The following PALLD variants were observed in gnomAD, a reference collection of about 807,000 sequenced individuals.
PALLD encodes palladin, cytoskeletal associated protein.
A neutral mutation model predicts 123.5 loss-of-function variants in PALLD; 61 were observed. The observed-to-expected ratio is 0.49, with a 90% CI of 0.40 to 0.61. The LOEUF is 0.61. Ranked by LOEUF, PALLD falls within the 20% of genes least tolerant of loss-of-function variation. The probability of loss-of-function intolerance (pLI) is 0.00; values close to 1 mark genes in which losing one functional copy is unlikely to be tolerated. For missense variants in PALLD, 1,273 were observed against 1,377.0 expected, an observed-to-expected ratio of 0.92 and a Z score of 1.20; for synonymous variants, 465 against 496.4, an observed-to-expected ratio of 0.94 and a Z score of 0.84.
At chr4:168,497,340 C>G (rs1190182619) in intron 1 of PALLD, 146 bp downstream of exon 1, 1 of 151,728 alleles carries the variant, frequency 6.6e-6, no homozygotes, top group Non-Finnish European at 1.5e-5. Flanking sequence ...GGAGAGGAAA[C>G]GTAATGAGAA....
At chr4:168,748,915 A>G (rs984326209) in intron 10 of PALLD, among the ~76,000 whole-genome samples, 5 of 152,200 alleles carry the variant, frequency 3.3e-5, no homozygotes, top group African/African-American at 1.2e-4. Context: ...AGATGGTGTC[A>G]TATATGTCAT....
chr4:168,669,296 T>C (rs371423449), intron 3 of PALLD, among the ~76,000 whole-genome samples: 1 of 152,198 alleles, frequency 6.6e-6, no homozygotes, highest in Non-Finnish European at 1.5e-5. Context: ...CCAGGTGAGG[T>C]AGCTCATGCC....
intron 2 of PALLD, among the ~76,000 whole-genome samples, chr4:168,516,101 T>C (rs1391593950): frequency 6.6e-6 from 1 of 152,204 alleles, no homozygotes; most frequent in Non-Finnish European, 1.5e-5. Context: ...TCCTTTATTA[T>C]TGCATATCCA....
rs730882137 is a variant in PALLD at position 168,878,150 on chromosome 4, TCGCCCC to T, written c.1965-12761_1965-12756del. The T allele has an allele frequency of 7.0e-5, 104 of 1,486,674 alleles. No homozygotes were observed. The highest frequency in any genetic ancestry group is 7.4e-5 in the Non-Finnish European group (83 of 1,125,666). 92.1% of individuals were successfully genotyped at this position (1,486,674 alleles called of 1,614,324 possible). On this transcript the variant is annotated intron_variant, in intron 10 of 21. Transcript: ENST00000505667. ...GGCCCCGTGGGGCTCCTCCTCGCCG[TCGCCCC>T]CGCCCCCGCCACCCCCGGTCTTCAG...
chr4:168,773,684 A>G (rs1161925041), intron 10 of PALLD, among the ~76,000 whole-genome samples: 1 of 152,146 alleles, frequency 6.6e-6, no homozygotes, highest in African/African-American at 2.4e-5. Flanking sequence ...TTCATCTAGG[A>G]TATGCCAAGA....
At chr4:168,669,329 C>A (rs1168861814) in intron 3 of PALLD, among the ~76,000 whole-genome samples, 1 of 152,086 alleles carries the variant, frequency 6.6e-6, no homozygotes, top group Admixed American at 6.6e-5. Context: ...ACTTTGGGAG[C>A]CCGAGGCAGG....
At chr4:168,712,084 C>T (rs1784887838) in intron 10 of PALLD, 161 bp downstream of exon 10, 1 of 658,112 alleles carries the variant, frequency 1.5e-6, no homozygotes, top group Non-Finnish European at 2.7e-6. Context: ...TAAAAGACAC[C>T]TAAAAATAAA....
At chr4:168,676,012 A>T (rs1780794892) in intron 3 of PALLD, among the ~76,000 whole-genome samples, 1 of 152,188 alleles carries the variant, frequency 6.6e-6, no homozygotes, top group South Asian at 2.1e-4. Flanking sequence ...CTGGGATGGC[A>T]CCACCGCACT....
At chr4:168,499,827 A>C (rs1761209780) in intron 1 of PALLD, among the ~76,000 whole-genome samples, 1 of 152,220 alleles carries the variant, frequency 6.6e-6, no homozygotes. Context: ...ACATGGTATT[A>C]AGTGATCCTT....
chr4:168,869,948 G>A lies in PALLD; in HGVS notation c.1965-20974G>A, dbSNP rs988317028. On this transcript the variant is annotated intron_variant, in intron 10 of 21. Coordinates refer to ENST00000505667, the MANE Select transcript of PALLD (RefSeq NM_001166108.2). The surrounding 1 kb of genome is among the most constrained non-coding windows in gnomAD (Gnocchi z 4.5). ...AAGTAAGGCACAGTCCCAGAAGTAA[G>A]AGAACAAGGAGAGTTGTTAGTGATG... 5.9e-5 allele frequency among the ~76,000 whole-genome samples: 9 copies of A among 152,200 alleles called. No homozygotes were observed. The highest frequency in any genetic ancestry group is 1.3e-4 in the Non-Finnish European group (9 of 68,034).
intron 2 of PALLD, among the ~76,000 whole-genome samples, chr4:168,556,126 CACTCTGTCGCCCAGGCTGGAG>C (rs1767266281): frequency 6.6e-6 from 1 of 151,384 alleles, no homozygotes; most frequent in African/African-American, 2.4e-5. Context: ...GACAGAGTCT[CACTCTGTCGCCCAGGCTGGAG>C]TGCAGTGGCG....
intron 18 of PALLD, among the ~76,000 whole-genome samples, chr4:168,922,473 T>C (rs1037888260): frequency 1.3e-5 from 2 of 152,200 alleles, no homozygotes; most frequent in Non-Finnish European, 2.9e-5. Context: ...GCAAATCTTC[T>C]CTGAATTTTC....
At chr4:168,724,900 T>G (rs1786391444) in intron 10 of PALLD, among the ~76,000 whole-genome samples, 1 of 152,220 alleles carries the variant, frequency 6.6e-6, no homozygotes, top group Non-Finnish European at 1.5e-5. Context: ...CATAAATATG[T>G]ACATTTACTT....
chr4:168,789,428 C>T (rs945296240), intron 10 of PALLD, among the ~76,000 whole-genome samples: 10 of 152,040 alleles, frequency 6.6e-5, no homozygotes, highest in African/African-American at 2.2e-4. Context: ...CATTTAGGGC[C>T]GGGTGCAGTG....
chr4:168,899,903 G>A (rs904906185), intron 14 of PALLD, among the ~76,000 whole-genome samples: 6 of 151,122 alleles, frequency 4.0e-5, no homozygotes, highest in South Asian at 2.1e-4. Context: ...GGCAACAACA[G>A]TGAGACTCCG....
At chr4:168,681,914 AG>A (rs1781590926) in intron 4 of PALLD, among the ~76,000 whole-genome samples, 1 of 152,196 alleles carries the variant, frequency 6.6e-6, no homozygotes, top group African/African-American at 2.4e-5. Context: ...TTGATATGCC[AG>A]AATTTTACCA....
At chr4:168,814,994 C>T (rs993070959) in intron 10 of PALLD, among the ~76,000 whole-genome samples, 12 of 152,162 alleles carry the variant, frequency 7.9e-5, no homozygotes, top group African/African-American at 2.7e-4. Flanking sequence ...TGGTCTTGAA[C>T]TCCTGACCTC....
intron 2 of PALLD, among the ~76,000 whole-genome samples, chr4:168,519,128 C>T (rs1561201743): frequency 6.6e-6 from 1 of 152,148 alleles, no homozygotes; most frequent in African/African-American, 2.4e-5. Flanking sequence ...TTCAGGCTTA[C>T]GGATGTAGTA....
At chr4:168,906,992 G>A (rs1200158633) in intron 15 of PALLD, among the ~76,000 whole-genome samples, 3 of 152,154 alleles carry the variant, frequency 2.0e-5, no homozygotes, top group African/African-American at 7.2e-5. Flanking sequence ...GCAGTACAGG[G>A]GTTATGAGCA....
Sources: allele counts gnomAD v4.1 joint callset (sites outside exome capture counted in the v4.1 genomes callset), GRCh38; gene constraint gnomAD v4.1.1; non-coding constraint Gnocchi (gnomAD v3.1); transcripts MANE v1.5; gene names NCBI Gene and HGNC (gene_info 2026-07-23, HGNC 2026-07-21).